EDEM3: variants seen among roughly 807,000 people sequenced by gnomAD.
EDEM3 encodes the protein ER degradation enhancing alpha-mannosidase like protein 3.
EDEM3 carries 60 observed loss-of-function variants against 110.2 expected under a neutral mutation model. The ratio of observed to expected loss-of-function variants is 0.54; its 90% CI spans 0.44 to 0.67. The LOEUF (loss-of-function observed/expected upper bound fraction) is 0.67, where lower values mean the gene tolerates loss of function less well. Among genes scored for constraint, EDEM3 ranks in the 30% least tolerant of loss-of-function variants. The pLI is 0.00. For missense variants in EDEM3, 996 were observed against 1,121.0 expected, an observed-to-expected ratio of 0.89 and a Z score of 1.59; for synonymous variants, 352 against 382.9, an observed-to-expected ratio of 0.92 and a Z score of 0.94.
chr1:184,692,465 T>A lies in EDEM3; in HGVS notation c.*1598A>T, dbSNP rs559228752. The A allele has an allele frequency of 5.9e-5, 9 of 152,218 alleles. No individual in the cohort carries two copies. Among genetic ancestry groups the A allele is most frequent in the African/African-American group, 1.9e-4 (8 of 41,556 alleles). The allele number at this position is 152,218 out of a possible 1,614,324, so 9.4% of individuals were successfully genotyped here. A position where few individuals can be genotyped will look rare whatever the true frequency, so the allele number is the denominator to read the frequency against. ...ATTTATCCTCTCAGAAAAGAATATG[T>A]TTACCTGGGATCTAAACATACTGTA... On this transcript the variant is annotated 3_prime_UTR_variant, in exon 20 of 20. Transcript: ENST00000318130.
chr1:184,734,443 G>C (rs1327428279), intron 5 of EDEM3, 88 bp downstream of exon 5: 1 of 443,460 alleles, frequency 2.3e-6, no homozygotes, highest in African/African-American at 2.1e-5. Context: ...CTCCAGCCTG[G>C]GTGACTGAGC....
chr1:184,695,580 G>C (rs1649288678), intron 19 of EDEM3, among the ~76,000 whole-genome samples: 6 of 151,796 alleles, frequency 4.0e-5, no homozygotes. Flanking sequence ...ATACTGTATT[G>C]TTTGGAGAAT....
intron 11 of EDEM3, 58 bp from the exon 12 acceptor site, chr1:184,717,681 C>T: frequency 1.5e-6 from 2 of 1,327,330 alleles, no homozygotes; most frequent in Non-Finnish European, 2.1e-6. Flanking sequence ...CAAGTAGTTC[C>T]AGAATATATA....
In EDEM3 at chr1:184,694,194, G is replaced by T; in HGVS notation, c.2668C>A (p.Gln890Lys). 6.2e-7 allele frequency: 1 copy of T among 1,613,408 alleles called. No individual in the cohort carries two copies. Among genetic ancestry groups the T allele is most frequent in the Non-Finnish European group, 8.5e-7 (1 of 1,179,626 alleles). ...TTGGAATCTTCCTCAGTTTCTGATT[G>T]TTCTTGAAGCTGGTTATCTAAATCT... ...CTDLDNQLQE[Q>K]SETEEDSNPN... Residue 890 changes from glutamine (Q) to lysine (K), a missense_variant, in exon 20 of 20, where the codon CAA (glutamine) becomes AAA (lysine). Physicochemically the swap from Gln to Lys is moderately conservative, Grantham distance 53. Around this residue, in one of 5 missense-constraint regions of EDEM3, gnomAD observed 345 missense variants for 402.0 expected, o/e 0.86. Transcript: ENST00000318130.
chr1:184,701,846 A>C (rs1649641934), intron 19 of EDEM3, among the ~76,000 whole-genome samples: 2 of 152,174 alleles, frequency 1.3e-5, no homozygotes, highest in African/African-American at 4.8e-5. Context: ...ATAAAGCAAT[A>C]CAAGAAGACA....
chr1:184,701,158 CAT>C (rs1382975962), intron 19 of EDEM3, among the ~76,000 whole-genome samples: 1 of 151,970 alleles, frequency 6.6e-6, no homozygotes, highest in Non-Finnish European at 1.5e-5. Flanking sequence ...CATACACACA[CAT>C]GAGCTTTTAA....
intron 3 of EDEM3, 113 bp from the exon 4 acceptor site, chr1:184,737,177 T>A: frequency 1.2e-6 from 1 of 854,368 alleles, no homozygotes; most frequent in Non-Finnish European, 1.9e-6. Context: ...AATTAGTACT[T>A]CCATGTATCT....
chr1:184,738,230 C>T (rs1338712946), intron 2 of EDEM3, among the ~76,000 whole-genome samples: 1 of 152,198 alleles, frequency 6.6e-6, no homozygotes, highest in Non-Finnish European at 1.5e-5. Flanking sequence ...GATATTCTAT[C>T]TATATATTTT....
Position 184,726,384 on chromosome 1 carries a change from A to G in EDEM3, c.618T>C (p.Asn206=). The change falls in exon 7 of 20, where the codon AAT becomes AAC. Residue 206 remains asparagine, a synonymous_variant. Transcript: ENST00000318130. ...TTSGLPYPRI[N]LKFGIRKPEA... ...CTGGTTTTCTGATGCCAAACTTTAAATTAATCTGAATACAATTAGAAAATT... is the reference window on the plus strand; with the variant it reads ...CTGGTTTTCTGATGCCAAACTTTAAGTTAATCTGAATACAATTAGAAAATT... 1 of 1,613,016 alleles carries G rather than the reference A, an allele frequency of 6.2e-7. No homozygotes were observed. The highest frequency in any genetic ancestry group is 1.1e-5 in the South Asian group (1 of 90,940).
intron 2 of EDEM3, 69 bp from the exon 3 acceptor site, chr1:184,737,780 C>CT (rs1246500703): frequency 7.5e-7 from 1 of 1,326,306 alleles, no homozygotes; most frequent in Non-Finnish European, 1.1e-6. Context: ...GAGAACATAA[C>CT]TTTTTCACAG....
At chr1:184,722,453 G>C (rs1344931583) in intron 8 of EDEM3, among the ~76,000 whole-genome samples, 3 of 151,912 alleles carry the variant, frequency 2.0e-5, no homozygotes, top group Non-Finnish European at 4.4e-5. Flanking sequence ...TGAAATACTA[G>C]AAAACAGTGA....
intron 2 of EDEM3, among the ~76,000 whole-genome samples, chr1:184,739,306 ATTT>A (rs1406714528): frequency 6.7e-6 from 1 of 149,034 alleles, no homozygotes; most frequent in South Asian, 2.1e-4. Context: ...TAAAATAACT[ATTT>A]TATCATTAAA....
At position 184,737,047 on chromosome 1, in the gene EDEM3, A is replaced by AT; in HGVS notation, c.322dup (p.Ile108AsnfsTer2). 6.2e-7 allele frequency: 1 copy of AT among 1,610,688 alleles called. No individual in the cohort carries two copies. ...TACCACAAGAGTGTCCAAAGAATCAATCAGTGTCAGAGAAAATCTAAGAAA... is the reference window on the plus strand; with the variant it reads ...TACCACAAGAGTGTCCAAAGAATCAATTCAGTGTCAGAGAAAATCTAAGAAA... On this transcript the variant is annotated frameshift_variant, in exon 4 of 20. Coordinates refer to ENST00000318130, the MANE Select transcript of EDEM3 (RefSeq NM_025191.4). LOFTEE classifies it high-confidence loss of function.
intron 19 of EDEM3, among the ~76,000 whole-genome samples, chr1:184,702,231 G>A (rs1369409572): frequency 6.6e-6 from 1 of 152,090 alleles, no homozygotes; most frequent in African/African-American, 2.4e-5. Flanking sequence ...GGCCTACAGA[G>A]GACTATCTAC....
Position 184,749,616 on chromosome 1 carries a change from GAAAAAAA to G in EDEM3, c.159-31_159-25del, listed in dbSNP as rs35957626. 7.9e-6 allele frequency: 9 copies of G among 1,136,608 alleles called. No individual in the cohort carries two copies. In the South Asian group the frequency reaches 9.9e-5, roughly 12 times the overall value. The allele number at this position is 1,136,608 out of a possible 1,614,324, so 70.4% of individuals were successfully genotyped here. Reference sequence around the variant, plus strand: ...TCCTAATTTTAAAAGAGCAGAAATGGAAAAAAAAAAAAAAAAAGGTAAGTATATTCTA... The same window carrying G: ...TCCTAATTTTAAAAGAGCAGAAATGGAAAAAAAAAAGGTAAGTATATTCTA... On this transcript the variant is annotated intron_variant, in intron 1 of 19. Transcript: ENST00000318130.
At chr1:184,736,081 A>T (rs1464003369) in intron 4 of EDEM3, among the ~76,000 whole-genome samples, 2 of 152,198 alleles carry the variant, frequency 1.3e-5, no homozygotes, top group African/African-American at 4.8e-5. Flanking sequence ...AAAAGATCTA[A>T]CAATCGTGAT....
intron 5 of EDEM3, among the ~76,000 whole-genome samples, chr1:184,734,195 G>C (rs1030235031): frequency 5.5e-5 from 8 of 145,546 alleles, no homozygotes; most frequent in African/African-American, 1.9e-4. Context: ...TAGACTGGGC[G>C]TGGTGGCTCA....
intron 4 of EDEM3, among the ~76,000 whole-genome samples, chr1:184,736,265 C>T (rs1651816945): frequency 6.6e-6 from 1 of 151,814 alleles, no homozygotes; most frequent in Admixed American, 6.6e-5. Context: ...AAAAAATACT[C>T]CAGTGAAAGA....
At chr1:184,739,353 T>C (rs1257446571) in intron 2 of EDEM3, among the ~76,000 whole-genome samples, 1 of 149,494 alleles carries the variant, frequency 6.7e-6, no homozygotes, top group African/African-American at 2.4e-5. Flanking sequence ...TTTAAATCAT[T>C]AATTATAAAA....
Sources: allele counts gnomAD v4.1 joint callset (sites outside exome capture counted in the v4.1 genomes callset), GRCh38; gene constraint gnomAD v4.1.1; regional missense constraint gnomAD v4.1.1; transcripts MANE v1.5; gene names NCBI Gene and HGNC (gene_info 2026-07-23, HGNC 2026-07-21).